Variants in MAP3K14 observed in about 807,000 individuals in gnomAD.
MAP3K14 encodes the protein mitogen-activated protein kinase kinase kinase 14, also known as NF-kappa-beta-inducing kinase.
Under a neutral mutation model 99.2 loss-of-function variants are expected in MAP3K14, and 16 were observed. The observed-to-expected ratio is 0.16, with a 90% confidence interval of 0.11 to 0.24. The LOEUF (loss-of-function observed/expected upper bound fraction) is 0.24. MAP3K14 is among the 10% of genes least tolerant of loss of function. MAP3K14 has a pLI of 1.00. For synonymous variants in MAP3K14, 462 were observed against 492.4 expected, an observed-to-expected ratio of 0.94 and a Z score of 0.82; for missense variants, 784 against 1,208.7, an observed-to-expected ratio of 0.65 and a Z score of 5.21.
chr17:45,307,080 A>G (rs569992638), intron 1 of MAP3K14, among the ~76,000 whole-genome samples: 40 of 152,252 alleles, frequency 2.6e-4, no homozygotes, highest in South Asian at 1.7e-3. Context: ...CAACATGGCA[A>G]AACGCTGCCT....
chr17:45,311,373 T>TTA (rs2044477428), intron 1 of MAP3K14, among the ~76,000 whole-genome samples: 1 of 152,202 alleles, frequency 6.6e-6, no homozygotes, highest in African/African-American at 2.4e-5. Flanking sequence ...TGCAGCTTCA[T>TTA]TAAAGTCAAG....
chr17:45,266,463 C>T (rs2044083460), intron 14 of MAP3K14, 74 bp downstream of exon 14: 1 of 1,511,384 alleles, frequency 6.6e-7, no homozygotes, highest in Non-Finnish European at 8.9e-7. Flanking sequence ...GAGACAAAAT[C>T]CCTCAATGGC....
rs11574822 is a variant in MAP3K14 at position 45,285,108 on chromosome 17, C to T, written c.1153-159G>A. ...CTGGGGCGAAGGCAGGGATCTGAGC[C>T]GGGCAGCACCAGAGAGGGGGCAGAG... On this transcript the variant is annotated intron_variant, in intron 5 of 15. Transcript: ENST00000344686. 0.18 allele frequency among the ~76,000 whole-genome samples: 27,222 copies of T among 152,160 alleles called. 6,417 individuals are homozygous for T. The highest frequency in any genetic ancestry group is 0.55 in the African/African-American group (22,657 of 41,458).
chr17:45,305,449 G>A (rs534482748), intron 1 of MAP3K14, among the ~76,000 whole-genome samples: 1 of 148,218 alleles, frequency 6.7e-6, no homozygotes, highest in South Asian at 2.2e-4. Context: ...AGGCTGGAGT[G>A]CAGTGGTGTG....
At chr17:45,265,883 AGTATTTCAACTTG>A (rs2143763906) in intron 14 of MAP3K14, among the ~76,000 whole-genome samples, 1 of 152,380 alleles carries the variant, frequency 6.6e-6, no homozygotes, top group South Asian at 2.1e-4. Context: ...ATGGGGAAGT[AGTATTTCAACTTG>A]GATGCAAAGC....
chr17:45,274,380 C>A (rs1372310228), intron 7 of MAP3K14, 84 bp downstream of exon 7: 1 of 1,587,762 alleles, frequency 6.3e-7, no homozygotes. Context: ...ATGGATAGAT[C>A]AGTGACCAAG....
chr17:45,311,697 C>G (rs952180870), intron 1 of MAP3K14, among the ~76,000 whole-genome samples: 1 of 152,178 alleles, frequency 6.6e-6, no homozygotes, highest in South Asian at 2.1e-4. Flanking sequence ...TTTAATCTAG[C>G]CTTTACAATC....
intron 15 of MAP3K14, among the ~76,000 whole-genome samples, 169 bp from the exon 16 acceptor site, chr17:45,264,969 C>T (rs555867347): frequency 1.4e-3 from 212 of 151,790 alleles, no homozygotes; most frequent in Non-Finnish European, 2.5e-3. Flanking sequence ...GTCTGGAGGA[C>T]CTCTTTGTCA....
At chr17:45,274,882 A>C (rs2044167042) in intron 6 of MAP3K14, among the ~76,000 whole-genome samples, 2 of 152,370 alleles carry the variant, frequency 1.3e-5, no homozygotes, top group South Asian at 4.1e-4. Context: ...TCATGCCTAT[A>C]ATCCCAGCAC....
intron 3 of MAP3K14, among the ~76,000 whole-genome samples, chr17:45,288,293 A>C (rs2044283537): frequency 6.6e-6 from 1 of 152,030 alleles, no homozygotes; most frequent in Non-Finnish European, 1.5e-5. Flanking sequence ...CCCTCCCCAC[A>C]ATCTTATCAC....
At chr17:45,282,567 A>AG (rs900138320) in intron 6 of MAP3K14, among the ~76,000 whole-genome samples, 12 of 151,534 alleles carry the variant, frequency 7.9e-5, no homozygotes, top group East Asian at 1.9e-4. Context: ...AAAAAAAAAA[A>AG]AAAGAAAGAA....
intron 6 of MAP3K14, among the ~76,000 whole-genome samples, chr17:45,277,664 C>G (rs1043975425): frequency 2.0e-5 from 3 of 152,152 alleles, no homozygotes; most frequent in Non-Finnish European, 4.4e-5. Flanking sequence ...TGAGGCACCC[C>G]GGGGCACTGC....
Position 45,271,180 on chromosome 17 carries a change from C to T in MAP3K14, c.1699G>A (p.Val567Met). The T allele has an allele frequency of 6.2e-7, 1 of 1,613,098 alleles. No homozygotes were observed. The highest frequency in any genetic ancestry group is 8.5e-7 in the Non-Finnish European group (1 of 1,179,666). The change falls in exon 10 of 16, where the codon GTG (valine) becomes ATG (methionine). Residue 567 changes from valine (V) to methionine (M), a missense_variant. Coordinates refer to ENST00000344686, the MANE Select transcript of MAP3K14 (RefSeq NM_003954.5). Reference sequence around the variant, plus strand: ...GCGTCGCAGCTCCTGCCCAGCACCACCTCCGGAGCCATGTGGGTCTCTGTG... The same window carrying T: ...GCGTCGCAGCTCCTGCCCAGCACCATCTCCGGAGCCATGTGGGTCTCTGTG... ...PGTETHMAPE[V>M]VLGRSCDAKV...
Position 45,286,682 on chromosome 17 carries a change from G to C in MAP3K14, c.901C>G (p.Leu301Val). Residue 301 changes from leucine to valine, a missense_variant, in exon 5 of 16, where the codon CTG becomes GTG. Leu to Val is a conservative substitution (Grantham distance 32). Around this residue, in one of 5 missense-constraint regions of MAP3K14, gnomAD observed 138 missense variants for 164.1 expected, o/e 0.84. Coordinates refer to ENST00000344686, the MANE Select transcript of MAP3K14 (RefSeq NM_003954.5). The surrounding 1 kb of genome is among the most constrained non-coding windows in gnomAD (Gnocchi z 4.1). ...DSQKPLPDPHLSKLACVDSPK... is the reference protein window; with the variant it reads ...DSQKPLPDPHVSKLACVDSPK... ...CTGTCTACACAGGCCAGTTTGCTCA[G>C]GTGTGGGTCAGGCAAGGGTTTCTGG... 3.7e-6 allele frequency: 6 copies of C among 1,610,384 alleles called. No individual in the cohort carries two copies. Among genetic ancestry groups the C allele is most frequent in the Non-Finnish European group, 5.1e-6 (6 of 1,178,496 alleles).
chr17:45,285,171 G>A (rs564189226), intron 5 of MAP3K14, among the ~76,000 whole-genome samples: 1 of 152,306 alleles, frequency 6.6e-6, no homozygotes, highest in African/African-American at 2.4e-5. Context: ...CATGGGCTGC[G>A]GCCACTGATC....
In MAP3K14 at chr17:45,264,796, G is replaced by A. The variant is rs1429744512; in HGVS notation, c.2684C>T (p.Pro895Leu). The A allele has an allele frequency of 2.5e-6, 4 of 1,612,758 alleles. No individual in the cohort carries two copies. Among genetic ancestry groups the A allele is most frequent in the Non-Finnish European group, 3.4e-6 (4 of 1,179,430 alleles). Residue 895 changes from proline to leucine, a missense_variant, in exon 16 of 16, where the codon CCA becomes CTA. Pro to Leu is a moderately conservative substitution (Grantham distance 98). Transcript: ENST00000344686. ...GGTGACCAAGCTGAAGGCTGCAGCT[G>A]GGATCTAAGGGTGGAGCAAACCAGT... ...DIATGISSQI[P>L]AAAFSLVTKD...
intron 6 of MAP3K14, among the ~76,000 whole-genome samples, chr17:45,275,734 G>A (rs865941728): frequency 1.3e-5 from 2 of 150,594 alleles, no homozygotes; most frequent in Non-Finnish European, 3.0e-5. Context: ...GGACTCCATC[G>A]GGTGCATTTT....
At chr17:45,271,549 T>C (rs2044142717) in intron 9 of MAP3K14, among the ~76,000 whole-genome samples, 1 of 152,204 alleles carries the variant, frequency 6.6e-6, no homozygotes. Flanking sequence ...TTCACCCATG[T>C]TGGCCAGGCT....
chr17:45,300,078 G>A (rs548631508), intron 1 of MAP3K14, among the ~76,000 whole-genome samples: 1 of 152,284 alleles, frequency 6.6e-6, no homozygotes, highest in East Asian at 1.9e-4. Context: ...AACAGAGCGA[G>A]ACTCCATCTC....
Sources: gnomAD v4.1 joint callset for allele counts (sites outside exome capture counted in the v4.1 genomes callset) on GRCh38, gnomAD v4.1.1 for gene constraint, gnomAD v4.1.1 regional missense constraint, Gnocchi (gnomAD v3.1) non-coding constraint, MANE v1.5 for transcripts, NCBI Gene and HGNC (gene_info 2026-07-23, HGNC 2026-07-21) for gene names.